SEMA6D: variants seen among roughly 807,000 people sequenced by gnomAD.
The protein encoded by SEMA6D is semaphorin-6D.
SEMA6D carries 35 observed loss-of-function variants against 106.6 expected under a neutral mutation model. That is an observed-to-expected ratio of 0.33 (90% CI 0.25 to 0.44). The LOEUF (loss-of-function observed/expected upper bound fraction) is 0.44, where lower values mean the gene tolerates loss of function less well. Among genes scored for constraint, SEMA6D ranks in the 20% least tolerant of loss-of-function variants. The pLI, the probability that SEMA6D is intolerant of heterozygous loss-of-function variation, is 1.00. For synonymous variants in SEMA6D, 499 were observed against 487.7 expected, an observed-to-expected ratio of 1.02 and a Z score of -0.31; for missense variants, 1,185 against 1,345.9, an observed-to-expected ratio of 0.88 and a Z score of 1.87.
At chr15:47,386,188 C>A (rs563095326) in intron 1 of SEMA6D, among the ~76,000 whole-genome samples, 9 of 151,796 alleles carry the variant, frequency 5.9e-5, no homozygotes, top group African/African-American at 1.7e-4. Flanking sequence ...ACACAGATAA[C>A]CATAATTTAA....
chr15:47,580,252 G>A (rs1289122993), intron 3 of SEMA6D, among the ~76,000 whole-genome samples: 3 of 152,132 alleles, frequency 2.0e-5, no homozygotes, highest in Admixed American at 6.5e-5. Context: ...TTCCTAATGG[G>A]ATGAGCTCCA....
At chr15:47,563,974 T>C (rs1487176381) in intron 3 of SEMA6D, among the ~76,000 whole-genome samples, 1 of 152,240 alleles carries the variant, frequency 6.6e-6, no homozygotes, top group Admixed American at 6.5e-5. Context: ...TTTCTGCAAG[T>C]GTAAATCTGT....
intron 1 of SEMA6D, among the ~76,000 whole-genome samples, chr15:47,193,463 A>G (rs1204132007): frequency 6.6e-6 from 1 of 152,108 alleles, no homozygotes; most frequent in Non-Finnish European, 1.5e-5. Context: ...AATCTGAAAC[A>G]CTTGTAATCT....
intron 1 of SEMA6D, among the ~76,000 whole-genome samples, chr15:47,403,998 A>G (rs756387539): frequency 6.6e-6 from 1 of 152,338 alleles, no homozygotes; most frequent in Non-Finnish European, 1.5e-5. Flanking sequence ...CTGTGAAAAT[A>G]AAAAGCAAGA....
intron 1 of SEMA6D, among the ~76,000 whole-genome samples, chr15:47,223,479 C>T (rs943742993): frequency 2.0e-5 from 3 of 151,852 alleles, no homozygotes; most frequent in African/African-American, 7.2e-5. Context: ...TTTTTGTCGC[C>T]TGTGGCAGTA....
At chr15:47,185,910 G>A (rs947033973) in intron 1 of SEMA6D, 1 of 152,050 alleles carries the variant, frequency 6.6e-6, no homozygotes, top group African/African-American at 2.4e-5. Context: ...TCTGAGGTCC[G>A]TGGGTAGTAT....
intron 3 of SEMA6D, among the ~76,000 whole-genome samples, chr15:47,541,436 T>C (rs1021569719): frequency 6.6e-6 from 1 of 152,186 alleles, no homozygotes; most frequent in African/African-American, 2.4e-5. Context: ...TTCTCTGTTA[T>C]TGTGAGCCTC....
chr15:47,479,483 A>G (rs2043090644), intron 3 of SEMA6D, among the ~76,000 whole-genome samples: 1 of 152,208 alleles, frequency 6.6e-6, no homozygotes, highest in Non-Finnish European at 1.5e-5. Context: ...ATACTAATAA[A>G]TGTATAAGCA....
At chr15:47,614,221 A>G (rs2076964992) in intron 4 of SEMA6D, among the ~76,000 whole-genome samples, 1 of 152,332 alleles carries the variant, frequency 6.6e-6, no homozygotes, top group Non-Finnish European at 1.5e-5. Flanking sequence ...ACATAGTTAC[A>G]AAGTGCGTGC....
chr15:47,710,656 G>A (rs974791797), intron 4 of SEMA6D, among the ~76,000 whole-genome samples: 2 of 152,118 alleles, frequency 1.3e-5, no homozygotes, highest in Non-Finnish European at 2.9e-5. Flanking sequence ...GCCAGCCATC[G>A]AATACAACTA....
intron 3 of SEMA6D, among the ~76,000 whole-genome samples, chr15:47,556,656 G>A (rs975414712): frequency 6.6e-6 from 1 of 152,034 alleles, no homozygotes; most frequent in Non-Finnish European, 1.5e-5. Context: ...TGGAAACACA[G>A]AACTAAATGA....
chr15:47,519,981 A>G (rs2044518243), intron 3 of SEMA6D, among the ~76,000 whole-genome samples: 1 of 152,186 alleles, frequency 6.6e-6, no homozygotes, highest in Admixed American at 6.5e-5. Context: ...GCCTATGCTA[A>G]TCTTTCCTCA....
chr15:47,243,670 G>A (rs899665490), intron 1 of SEMA6D, among the ~76,000 whole-genome samples: 1 of 152,110 alleles, frequency 6.6e-6, no homozygotes, highest in Non-Finnish European at 1.5e-5. Context: ...TATGGAAAAT[G>A]ATTTTAAATG....
At chr15:47,696,739 C>T (rs899735571) in intron 4 of SEMA6D, among the ~76,000 whole-genome samples, 1 of 152,154 alleles carries the variant, frequency 6.6e-6, no homozygotes, top group African/African-American at 2.4e-5. Flanking sequence ...ATCACACAGG[C>T]AGTGACACAG....
At chr15:47,290,421 G>C (rs967758918) in intron 1 of SEMA6D, among the ~76,000 whole-genome samples, 1 of 152,136 alleles carries the variant, frequency 6.6e-6, no homozygotes, top group Non-Finnish European at 1.5e-5. Context: ...GAGAAACTGG[G>C]AGATGAAGAA....
At chr15:47,421,218 A>G (rs2041142684) in intron 2 of SEMA6D, among the ~76,000 whole-genome samples, 1 of 152,096 alleles carries the variant, frequency 6.6e-6, no homozygotes, top group Non-Finnish European at 1.5e-5. Flanking sequence ...ATTCTCCCTT[A>G]GGTTCTCAAT....
At chr15:47,186,833 A>T (rs1186125600) in intron 1 of SEMA6D, among the ~76,000 whole-genome samples, 1 of 152,154 alleles carries the variant, frequency 6.6e-6, no homozygotes, top group Non-Finnish European at 1.5e-5. Context: ...CCAAATTCTT[A>T]CCCAGATTGA....
chr15:47,508,723 C>T (rs2044132160), intron 3 of SEMA6D, among the ~76,000 whole-genome samples: 1 of 152,218 alleles, frequency 6.6e-6, no homozygotes, highest in Non-Finnish European at 1.5e-5. Flanking sequence ...AGGGAGTACA[C>T]ACCTAGTGTA....
intron 1 of SEMA6D, among the ~76,000 whole-genome samples, chr15:47,720,558 C>G (rs1227365936): frequency 6.6e-6 from 1 of 152,154 alleles, no homozygotes; most frequent in Non-Finnish European, 1.5e-5. Context: ...CAGTTCCTTG[C>G]TGCATGCACA....
Sources: gnomAD v4.1 joint callset for allele counts (sites outside exome capture counted in the v4.1 genomes callset) on GRCh38, gnomAD v4.1.1 for gene constraint, MANE v1.5 for transcripts, NCBI Gene and HGNC (gene_info 2026-07-23, HGNC 2026-07-21) for gene names.